The following ARL15 variants were observed in gnomAD, a reference collection of about 807,000 sequenced individuals.
The protein encoded by ARL15 is ADP-ribosylation factor-like protein 15.
ARL15 carries 19 observed loss-of-function variants against 25.2 expected under a neutral mutation model. The ratio of observed to expected loss-of-function variants is 0.75; its 90% confidence interval spans 0.53 to 1.10. The LOEUF (loss-of-function observed/expected upper bound fraction) is 1.10, where lower values mean the gene tolerates loss of function less well. ARL15 is among the 50% of genes least tolerant of loss of function. The probability of loss-of-function intolerance (pLI) is 0.00; values close to 1 mark genes in which losing one functional copy is unlikely to be tolerated. For missense variants in ARL15, 220 were observed against 246.0 expected, an observed-to-expected ratio of 0.89 and a Z score of 0.71; for synonymous variants, 94 against 86.8, an observed-to-expected ratio of 1.08 and a Z score of -0.46.
At chr5:54,007,505 T>C (rs2111761913) in intron 4 of ARL15, among the ~76,000 whole-genome samples, 1 of 152,308 alleles carries the variant, frequency 6.6e-6, no homozygotes, top group Admixed American at 6.5e-5. Flanking sequence ...TTTTTATCTT[T>C]AAATTTTAAA....
At chr5:54,153,930 C>T (rs1246886034) in intron 3 of ARL15, among the ~76,000 whole-genome samples, 1 of 152,148 alleles carries the variant, frequency 6.6e-6, no homozygotes, top group Admixed American at 6.5e-5. Context: ...TACTGAACTC[C>T]AGAGCACTTA....
intron 4 of ARL15, among the ~76,000 whole-genome samples, chr5:54,053,870 A>AT (rs565935277): frequency 3.7e-4 from 57 of 152,370 alleles, no homozygotes; most frequent in Middle Eastern, 3.4e-3. Context: ...AAAAGCATAC[A>AT]TAAAAACTAA....
chr5:54,188,614 A>G (rs1039978140), intron 1 of ARL15, among the ~76,000 whole-genome samples: 2 of 152,206 alleles, frequency 1.3e-5, no homozygotes, highest in South Asian at 4.1e-4. Flanking sequence ...TGAGAGGATC[A>G]GGGCTCACTT....
At chr5:54,305,196 A>T (rs1758724208) in intron 1 of ARL15, among the ~76,000 whole-genome samples, 1 of 152,090 alleles carries the variant, frequency 6.6e-6, no homozygotes. Flanking sequence ...ATCAAATCTA[A>T]TCTTATTAAA....
At chr5:54,294,486 G>A (rs998242988) in intron 1 of ARL15, among the ~76,000 whole-genome samples, 1 of 152,152 alleles carries the variant, frequency 6.6e-6, no homozygotes, top group Non-Finnish European at 1.5e-5. Context: ...GAGTAAGGAA[G>A]GTCAGAAAAG....
At chr5:54,210,454 C>T (rs934239048) in intron 1 of ARL15, among the ~76,000 whole-genome samples, 1 of 152,140 alleles carries the variant, frequency 6.6e-6, no homozygotes, top group Non-Finnish European at 1.5e-5. Context: ...GTTATTTCAA[C>T]AAAATGATAA....
intron 1 of ARL15, among the ~76,000 whole-genome samples, chr5:54,300,808 T>C (rs1458482490): frequency 1.3e-5 from 2 of 152,192 alleles, no homozygotes; most frequent in Non-Finnish European, 2.9e-5. Flanking sequence ...CTTCCCTCCC[T>C]TTCCAATCCT....
intron 2 of ARL15, among the ~76,000 whole-genome samples, chr5:54,166,847 T>C (rs970847510): frequency 6.6e-6 from 1 of 152,224 alleles, no homozygotes; most frequent in African/African-American, 2.4e-5. Flanking sequence ...ATTTCTGGCC[T>C]CTTCCCATCC....
chr5:54,171,861 C>CCTT lies in ARL15; in HGVS notation c.115_116insAAG (p.Ile38_Gly39insGlu). 6.2e-7 allele frequency: 1 copy of CCTT among 1,613,574 alleles called. No individual in the cohort carries two copies. Among genetic ancestry groups the CCTT allele is most frequent in the South Asian group, 1.1e-5 (1 of 91,028 alleles). The stretch of plus-strand genomic sequence containing the variant: ...ACTGGTTTTGCCAGAACCTGTGAGG[C>CCTT]CTATGCAAACCAGGTCATATTCTGG... On this transcript the variant is annotated inframe_insertion, in exon 2 of 5. Transcript: ENST00000504924.
rs535004236 is a variant in ARL15 at position 54,281,983 on chromosome 5, G to A, written c.48+28449C>T. Among the ~76,000 whole-genome samples, 190 of 152,200 alleles carry A rather than the reference G, an allele frequency of 1.2e-3. 1 individual carries two copies. The highest frequency in any genetic ancestry group is 2.3e-3 in the Non-Finnish European group (154 of 68,012). On this transcript the variant is annotated intron_variant, in intron 1 of 4. Coordinates refer to ENST00000504924, the MANE Select transcript of ARL15 (RefSeq NM_019087.3). Reference sequence around the variant, plus strand: ...TCCAATCTATTATTGATGGACATTCGTATTGCATCTAACATTTTGCTTTTA... The same window carrying A: ...TCCAATCTATTATTGATGGACATTCATATTGCATCTAACATTTTGCTTTTA...
intron 1 of ARL15, among the ~76,000 whole-genome samples, chr5:54,225,317 T>C (rs561219): frequency 0.12 from 18,648 of 152,140 alleles, 1,540 homozygotes; most frequent in Admixed American, 0.26. Context: ...GCAAAGCGCC[T>C]TTATCCATCC....
At chr5:54,254,050 T>A (rs1047367652) in intron 1 of ARL15, among the ~76,000 whole-genome samples, 1 of 152,186 alleles carries the variant, frequency 6.6e-6, no homozygotes, top group Non-Finnish European at 1.5e-5. Context: ...GGTGATGAAA[T>A]AGAGCCAGAA....
intron 2 of ARL15, among the ~76,000 whole-genome samples, chr5:54,161,692 A>G (rs1754406027): frequency 6.6e-6 from 1 of 152,188 alleles, no homozygotes; most frequent in Admixed American, 6.5e-5. Flanking sequence ...AGGGACAGCC[A>G]TATGCTTATC....
chr5:54,213,254 A>G (rs1175334787), intron 1 of ARL15, among the ~76,000 whole-genome samples: 1 of 152,228 alleles, frequency 6.6e-6, no homozygotes, highest in Non-Finnish European at 1.5e-5. Flanking sequence ...TTAAAACACT[A>G]TAAATGTGTC....
At chr5:54,254,048 A>T (rs1457473395) in intron 1 of ARL15, among the ~76,000 whole-genome samples, 2 of 152,214 alleles carry the variant, frequency 1.3e-5, no homozygotes, top group African/African-American at 4.8e-5. Flanking sequence ...GGGGTGATGA[A>T]ATAGAGCCAG....
intron 2 of ARL15, among the ~76,000 whole-genome samples, chr5:54,161,525 T>C (rs1561248117): frequency 1.3e-5 from 2 of 152,338 alleles, no homozygotes; most frequent in South Asian, 4.1e-4. Flanking sequence ...CGTTTACTTA[T>C]CTATTCTCTA....
intron 4 of ARL15, among the ~76,000 whole-genome samples, chr5:54,038,528 A>C (rs1750238396): frequency 1.3e-5 from 2 of 152,142 alleles, no homozygotes; most frequent in Non-Finnish European, 2.9e-5. Context: ...ACCTCATGTA[A>C]GTCATTGAAA....
chr5:54,197,352 T>C (rs1755579151), intron 1 of ARL15, among the ~76,000 whole-genome samples: 1 of 152,148 alleles, frequency 6.6e-6, no homozygotes, highest in East Asian at 1.9e-4. Flanking sequence ...GGCAAATGTC[T>C]TAAGGCCACT....
chr5:54,257,326 G>A (rs1757396015), intron 1 of ARL15, among the ~76,000 whole-genome samples: 1 of 152,142 alleles, frequency 6.6e-6, no homozygotes, highest in Non-Finnish European at 1.5e-5. Context: ...TAACCAAAGA[G>A]ATGAAAGATC....
Sources: gnomAD v4.1 joint callset for allele counts (sites outside exome capture counted in the v4.1 genomes callset) on GRCh38, gnomAD v4.1.1 for gene constraint, MANE v1.5 for transcripts, NCBI Gene and HGNC (gene_info 2026-07-23, HGNC 2026-07-21) for gene names.